STRIP1: variants seen among roughly 807,000 people sequenced by gnomAD.
The protein encoded by STRIP1 is striatin interacting protein 1, also known as striatin-interacting protein 1.
STRIP1 carries 63 observed loss-of-function variants against 106.2 expected under a neutral mutation model. The observed-to-expected ratio is 0.59, with a 90% CI of 0.48 to 0.73. The LOEUF (loss-of-function observed/expected upper bound fraction) is 0.73. Among genes scored for constraint, STRIP1 ranks in the 30% least tolerant of loss-of-function variants. The pLI, the probability that STRIP1 is intolerant of heterozygous loss-of-function variation, is 0.00. For synonymous variants in STRIP1, 390 were observed against 413.0 expected (o/e 0.94, Z 0.67); for missense variants, 857 against 1,074.8 (o/e 0.80, Z 2.83).
intron 6 of STRIP1, chr1:110,041,281 A>T: frequency 3.1e-6 from 1 of 323,992 alleles, no homozygotes; most frequent in East Asian, 6.0e-5. Flanking sequence ...CCATTTCCTC[A>T]TCATAAACCC....
intron 4 of STRIP1, 28 bp downstream of exon 4, chr1:110,039,334 C>T (rs1446786636): frequency 6.2e-7 from 1 of 1,613,950 alleles, no homozygotes; most frequent in South Asian, 1.1e-5. Context: ...CCAGGGTTCC[C>T]TGGCACCTCT....
intron 1 of STRIP1, among the ~76,000 whole-genome samples, chr1:110,036,604 G>A (rs113137635): frequency 9.8e-4 from 150 of 152,312 alleles, no homozygotes; most frequent in African/African-American, 3.3e-3. Context: ...GGTAGTTTGG[G>A]AGCCTGATCA....
chr1:110,039,405 G>A lies in STRIP1; in HGVS notation c.471G>A (p.Gly157=). ...AACCCTGCATTGCAGGCACGTTTGG[G>A]GAGTGCAGCTCGGAGGCAGAGGTGC... The part of the protein sequence containing the change: ...AILYVAQGTF[G]ECSSEAEVQS... The change falls in exon 5 of 21, where the codon GGG becomes GGA. Residue 157 remains glycine, a synonymous_variant. Coordinates refer to ENST00000369795, the MANE Select transcript of STRIP1 (RefSeq NM_033088.4). 1 of 1,614,158 alleles carries A rather than the reference G, an allele frequency of 6.2e-7. No individual in the cohort carries two copies. Among genetic ancestry groups the A allele is most frequent in the Non-Finnish European group, 8.5e-7 (1 of 1,180,014 alleles).
intron 12 of STRIP1, among the ~76,000 whole-genome samples, chr1:110,045,839 T>C (rs1652995251): frequency 6.6e-6 from 1 of 152,152 alleles, no homozygotes; most frequent in Non-Finnish European, 1.5e-5. Flanking sequence ...GTCCGCCCTG[T>C]GTCCCCTCCC....
intron 12 of STRIP1, among the ~76,000 whole-genome samples, chr1:110,045,833 G>A (rs973226710): frequency 2.6e-5 from 4 of 152,132 alleles, no homozygotes; most frequent in Non-Finnish European, 4.4e-5. Context: ...GGACAAGTCC[G>A]CCCTGTGTCC....
At chr1:110,041,409 A>G in intron 6 of STRIP1, 127 bp from the exon 7 acceptor site, 2 of 661,354 alleles carry the variant, frequency 3.0e-6, no homozygotes, top group Non-Finnish European at 2.6e-6. Context: ...ATTCTTGTTC[A>G]TACTCATTTA....
At chr1:110,034,165 A>T (rs559688517), upstream of STRIP1, among the ~76,000 whole-genome samples, 15 of 152,322 alleles carry the variant, frequency 9.8e-5, no homozygotes, top group East Asian at 2.9e-3. Flanking sequence ...CCGTGACTGC[A>T]GACACTTGTT....
chr1:110,043,377 CCAGT>C, intron 9 of STRIP1, 107 bp downstream of exon 9: 1 of 1,223,388 alleles, frequency 8.2e-7, no homozygotes, highest in Non-Finnish European at 1.2e-6. Flanking sequence ...CTCTGATCAG[CCAGT>C]CAGAATCATG....
intron 5 of STRIP1, 111 bp downstream of exon 5, chr1:110,039,626 TCC>T: frequency 3.0e-6 from 4 of 1,324,428 alleles, no homozygotes; most frequent in East Asian, 5.0e-5. Flanking sequence ...GAAGTTCTGG[TCC>T]CAGGCTGTGT....
rs770343744 is a variant in STRIP1, at chr1:110,041,562, T to C, written c.677T>C (p.Ile226Thr). 1 of 1,613,916 alleles carries C rather than the reference T, an allele frequency of 6.2e-7. No homozygotes were observed. Among genetic ancestry groups the C allele is most frequent in the Non-Finnish European group, 8.5e-7 (1 of 1,179,936 alleles). The part of the protein sequence containing the change: ...LRVLLNIMYL[I>T]VETVHQECEG... ...GTCCTGCTCAACATCATGTACCTGA[T>C]AGTGGAGACCGTTCATCAGGAGTGT... is the stretch of plus-strand genomic sequence containing the variant. Residue 226 changes from isoleucine to threonine, a missense_variant, in exon 7 of 21, where the codon ATA (isoleucine) becomes ACA (threonine). Physicochemically the swap from Ile to Thr is moderately conservative, Grantham distance 89. Transcript: ENST00000369795.
At chr1:110,038,547 G>A in intron 2 of STRIP1, 136 bp from the exon 3 acceptor site, 1 of 648,848 alleles carries the variant, frequency 1.5e-6, no homozygotes, top group Non-Finnish European at 2.7e-6. Context: ...CATAATTAGA[G>A]AGCTTATTCC....
chr1:110,038,818 C>T, intron 3 of STRIP1, 61 bp downstream of exon 3: 1 of 1,487,344 alleles, frequency 6.7e-7, no homozygotes, highest in Non-Finnish European at 9.4e-7. Context: ...CTGCAGGTTT[C>T]TTTTAGGCAT....
intron 6 of STRIP1, among the ~76,000 whole-genome samples, 199 bp downstream of exon 6, chr1:110,040,902 A>G (rs966880707): frequency 2.6e-5 from 4 of 152,146 alleles, no homozygotes; most frequent in Non-Finnish European, 4.4e-5. Context: ...GAGACTCCCA[A>G]AGGCAATCCA....
Position 110,049,233 on chromosome 1 carries a change from T to A in STRIP1, c.1783T>A (p.Tyr595Asn). The change falls in exon 16 of 21, where the codon TAC becomes AAC. Residue 595 changes from tyrosine to asparagine, a missense_variant. Coordinates refer to ENST00000369795, the MANE Select transcript of STRIP1 (RefSeq NM_033088.4). ...CAAGCACTTTAAGTTGAACCATGTCTACCAGGTACCCACAGGGCTTTCCCT... is the reference window on the plus strand; with the variant it reads ...CAAGCACTTTAAGTTGAACCATGTCAACCAGGTACCCACAGGGCTTTCCCT... The part of the protein sequence containing the change: ...LLKHFKLNHV[Y>N]QFEYMAQHLV... The A allele has an allele frequency of 6.2e-7, 1 of 1,614,146 alleles. No homozygotes were observed. The highest frequency in any genetic ancestry group is 8.5e-7 in the Non-Finnish European group (1 of 1,180,032).
rs1653429992 is a variant in STRIP1, at chr1:110,054,099, G to A, written c.*187G>A. On this transcript the variant is annotated 3_prime_UTR_variant, in exon 21 of 21. Coordinates refer to ENST00000369795, the MANE Select transcript of STRIP1 (RefSeq NM_033088.4). ...ACCTCCCCTTGGTTCCCAGGGTCCT[G>A]CTCCGAAGCAGTCATCTCTGCCTGA... 3.2e-6 allele frequency: 2 copies of A among 625,980 alleles called. No homozygotes were observed. Among genetic ancestry groups the A allele is most frequent in the South Asian group, 3.9e-5 (2 of 50,848 alleles). 38.8% of individuals were successfully genotyped at this position (625,980 alleles called of 1,614,324 possible).
intron 6 of STRIP1, 41 bp from the exon 7 acceptor site, chr1:110,041,495 C>A (rs759301386): frequency 6.7e-7 from 1 of 1,503,754 alleles, no homozygotes; most frequent in Non-Finnish European, 9.3e-7. Flanking sequence ...CTCCTTTGAC[C>A]CCCCCATCCC....
intron 8 of STRIP1, 137 bp downstream of exon 8, chr1:110,041,998 A>G: frequency 9.3e-7 from 1 of 1,072,272 alleles, no homozygotes; most frequent in Non-Finnish European, 1.3e-6. Flanking sequence ...AAAAGCTGCT[A>G]AAAGGAGATG....
intron 2 of STRIP1, 111 bp downstream of exon 2, chr1:110,038,071 A>AAT (rs3085770): frequency 0.053 from 6,852 of 129,032 alleles, 290 homozygotes; most frequent in African/African-American, 0.082. Flanking sequence ...AGTTCTATCA[A>AAT]ATATATATAT....
intron 4 of STRIP1, 31 bp from the exon 5 acceptor site, chr1:110,039,364 G>T (rs765119530): frequency 4.3e-6 from 7 of 1,613,920 alleles, no homozygotes; most frequent in African/African-American, 1.3e-5. Flanking sequence ...GATGCAGGGA[G>T]GGGCTCAGTG....
Sources: gnomAD v4.1 joint callset for allele counts (sites outside exome capture counted in the v4.1 genomes callset) on GRCh38, gnomAD v4.1.1 for gene constraint, MANE v1.5 for transcripts, NCBI Gene and HGNC (gene_info 2026-07-23, HGNC 2026-07-21) for gene names.